The following GRM8 variants were observed in gnomAD, a reference collection of about 807,000 sequenced individuals.
GRM8 encodes glutamate metabotropic receptor 8.
GRM8 carries 47 observed loss-of-function variants against 87.2 expected under a neutral mutation model. That is an observed-to-expected ratio of 0.54 (90% CI 0.43 to 0.69). The LOEUF (loss-of-function observed/expected upper bound fraction) is 0.69, where lower values mean the gene tolerates loss of function less well. Among genes scored for constraint, GRM8 ranks in the 30% least tolerant of loss-of-function variants. GRM8 has a pLI of 0.00. For missense variants in GRM8, 1,019 were observed against 1,139.2 expected (o/e 0.89, Z 1.52); for synonymous variants, 396 against 404.5 (o/e 0.98, Z 0.25).
intron 3 of GRM8, among the ~76,000 whole-genome samples, chr7:127,076,687 C>T (rs963474156): frequency 6.6e-6 from 1 of 152,184 alleles, no homozygotes; most frequent in Non-Finnish European, 1.5e-5. Flanking sequence ...ACTAGAGCCC[C>T]AAGCTGTTAC....
chr7:126,665,783 A>C (rs183692849), intron 7 of GRM8, among the ~76,000 whole-genome samples: 3 of 152,004 alleles, frequency 2.0e-5, no homozygotes, highest in Admixed American at 1.3e-4. Context: ...TAAATTATAT[A>C]AAATAAAACT....
chr7:126,885,304 A>G (rs2535937), intron 6 of GRM8, among the ~76,000 whole-genome samples: 118,095 of 152,074 alleles, frequency 0.78, 46,281 homozygotes, highest in East Asian at 0.97. Flanking sequence ...TATGGTTTAG[A>G]AGCCTTGGTA....
chr7:126,776,788 C>CA (rs1237291422), intron 6 of GRM8, among the ~76,000 whole-genome samples: 2 of 152,138 alleles, frequency 1.3e-5, no homozygotes, highest in East Asian at 3.9e-4. Flanking sequence ...GGTTACTTCT[C>CA]AGTAAAAATT....
At chr7:126,915,161 G>T (rs2213970) in intron 3 of GRM8, among the ~76,000 whole-genome samples, 1 of 152,100 alleles carries the variant, frequency 6.6e-6, no homozygotes, top group African/African-American at 2.4e-5. Flanking sequence ...TATGAATCTC[G>T]TCTCTAGGGT....
intron 6 of GRM8, among the ~76,000 whole-genome samples, chr7:126,801,947 ATGG>A (rs1281685762): frequency 6.6e-6 from 1 of 152,188 alleles, no homozygotes; most frequent in Admixed American, 6.5e-5. Flanking sequence ...GAGTTGCCTA[ATGG>A]TTTATTTAAC....
chr7:127,200,859 C>T (rs1194534250), intron 2 of GRM8, among the ~76,000 whole-genome samples: 1 of 152,158 alleles, frequency 6.6e-6, no homozygotes, highest in Admixed American at 6.5e-5. Context: ...TTCTCAGATT[C>T]CAGGTGGACA....
At position 126,438,811 on chromosome 7, in the gene GRM8, ATTAT is replaced by A. The variant is rs772586874; in HGVS notation, c.*304_*307del. On this transcript the variant is annotated 3_prime_UTR_variant, in exon 11 of 11. Coordinates refer to ENST00000339582, the MANE Select transcript of GRM8 (RefSeq NM_000845.3). Reference sequence around the variant, plus strand: ...GAAAAATACAAGAATAACATCAGACATTATTTATTTCAACAGCATTTTTTTTCAC... The same window carrying A: ...GAAAAATACAAGAATAACATCAGACATTATTTCAACAGCATTTTTTTTCAC... 2.1e-5 allele frequency: 6 copies of A among 282,044 alleles called. No homozygotes were observed. The highest frequency in any genetic ancestry group is 1.4e-4 in the East Asian group (2 of 14,260). The allele number at this position is 282,044 out of a possible 1,614,324, so 17.5% of individuals were successfully genotyped here. A position where few individuals can be genotyped will look rare whatever the true frequency, so the allele number is the denominator to read the frequency against.
At chr7:126,560,001 C>T (rs1280867627) in intron 8 of GRM8, among the ~76,000 whole-genome samples, 7 of 152,184 alleles carry the variant, frequency 4.6e-5, no homozygotes, top group Non-Finnish European at 8.8e-5. Flanking sequence ...AATGCATCGC[C>T]ACTTGAAATC....
At chr7:127,106,022 A>G (rs1428496170) in intron 3 of GRM8, among the ~76,000 whole-genome samples, 1 of 152,202 alleles carries the variant, frequency 6.6e-6, no homozygotes, top group African/African-American at 2.4e-5. Flanking sequence ...GTCAAATATG[A>G]CAATAAGAAT....
chr7:127,099,848 C>T (rs1201790099), intron 3 of GRM8, among the ~76,000 whole-genome samples: 4 of 152,118 alleles, frequency 2.6e-5, no homozygotes, highest in African/African-American at 7.2e-5. Flanking sequence ...AGAATGTGAC[C>T]TTATTTGGAA....
chr7:126,930,052 A>G (rs927154134), intron 3 of GRM8, among the ~76,000 whole-genome samples: 10 of 152,188 alleles, frequency 6.6e-5, no homozygotes, highest in African/African-American at 2.2e-4. Context: ...AACAGAGGCC[A>G]TAAGAAAGGA....
chr7:126,528,614 TTGTGTGTGTGTGTGTG>T (rs59437677), intron 9 of GRM8, among the ~76,000 whole-genome samples: 3 of 149,092 alleles, frequency 2.0e-5, no homozygotes, highest in African/African-American at 7.4e-5. Context: ...ACAAAAGAAG[TTGTGTGTGTGTGTGTG>T]TGTGTGTGTG....
At chr7:127,067,644 C>T (rs1434652298) in intron 3 of GRM8, among the ~76,000 whole-genome samples, 1 of 152,160 alleles carries the variant, frequency 6.6e-6, no homozygotes, top group African/African-American at 2.4e-5. Context: ...CCTCATTATG[C>T]TTAAATGTCT....
intron 3 of GRM8, among the ~76,000 whole-genome samples, chr7:127,088,393 A>C: frequency 6.6e-6 from 1 of 152,236 alleles, no homozygotes; most frequent in East Asian, 1.9e-4. Context: ...AGCCTTTACA[A>C]AGCTGGGGAG....
chr7:126,925,679 C>G (rs1412005426), intron 3 of GRM8, among the ~76,000 whole-genome samples: 1 of 152,180 alleles, frequency 6.6e-6, no homozygotes, highest in East Asian at 1.9e-4. Flanking sequence ...CATTATCATG[C>G]TATCACAAGA....
At chr7:126,713,529 GGT>G (rs1296161676) in intron 7 of GRM8, among the ~76,000 whole-genome samples, 7 of 151,514 alleles carry the variant, frequency 4.6e-5, no homozygotes, top group Non-Finnish European at 7.4e-5. Context: ...TGGGTTGATG[GGT>G]GCAGCAAACC....
chr7:127,197,685 T>C (rs1795360244), intron 2 of GRM8, among the ~76,000 whole-genome samples: 1 of 152,032 alleles, frequency 6.6e-6, no homozygotes, highest in African/African-American at 2.4e-5. Context: ...GGGATTTCTT[T>C]GATATTGCCC....
At chr7:126,806,653 C>T (rs1232729662) in intron 6 of GRM8, among the ~76,000 whole-genome samples, 2 of 152,216 alleles carry the variant, frequency 1.3e-5, no homozygotes, top group Non-Finnish European at 2.9e-5. Flanking sequence ...TTCTCCAAGT[C>T]CCCACCCATC....
intron 2 of GRM8, among the ~76,000 whole-genome samples, chr7:127,181,717 A>C (rs1420728449): frequency 6.6e-6 from 1 of 152,106 alleles, no homozygotes; most frequent in Non-Finnish European, 1.5e-5. Context: ...CTGATCTTCA[A>C]CAAAGTAAAC....
Sources: allele counts gnomAD v4.1 joint callset (sites outside exome capture counted in the v4.1 genomes callset), GRCh38; gene constraint gnomAD v4.1.1; transcripts MANE v1.5; gene names NCBI Gene and HGNC (gene_info 2026-07-23, HGNC 2026-07-21).